TTC28: variants seen among roughly 807,000 people sequenced by gnomAD.
The protein encoded by TTC28 is tetratricopeptide repeat protein 28.
TTC28 carries 61 observed loss-of-function variants against 198.0 expected under a neutral mutation model. That is an observed-to-expected ratio of 0.31 (90% CI 0.25 to 0.38). The LOEUF (loss-of-function observed/expected upper bound fraction) is 0.38. Ranked by LOEUF, TTC28 falls within the 10% of genes least tolerant of loss-of-function variation. The pLI, the probability that TTC28 is intolerant of heterozygous loss-of-function variation, is 1.00. For synonymous variants in TTC28, 1,171 were observed against 1,297.8 expected, an observed-to-expected ratio of 0.90 and a Z score of 2.10; for missense variants, 2,678 against 3,164.0, an observed-to-expected ratio of 0.85 and a Z score of 3.69.
At chr22:28,138,071 AAGG>A (rs1274574396) in intron 6 of TTC28, among the ~76,000 whole-genome samples, 1 of 152,038 alleles carries the variant, frequency 6.6e-6, no homozygotes, top group African/African-American at 2.4e-5. Flanking sequence ...CATTCAAGGG[AAGG>A]AGAATTAGGC....
chr22:28,219,306 C>T (rs1414045862), intron 5 of TTC28, among the ~76,000 whole-genome samples: 12 of 152,068 alleles, frequency 7.9e-5, no homozygotes, highest in African/African-American at 2.4e-4. Context: ...GTCAGGAGTT[C>T]GAGACCAGCC....
chr22:28,117,616 GAGTT>G (rs1436005997), intron 6 of TTC28, among the ~76,000 whole-genome samples: 1 of 152,080 alleles, frequency 6.6e-6, no homozygotes, highest in Non-Finnish European at 1.5e-5. Flanking sequence ...TGGTGCCCTC[GAGTT>G]AGTTAATTTG....
Position 28,163,215 on chromosome 22 carries a change from G to T in TTC28, c.1318C>A (p.Leu440Ile), listed in dbSNP as rs970638887. The change falls in exon 6 of 23, where the codon CTA becomes ATA. Residue 440 changes from leucine to isoleucine, a missense_variant. By Grantham distance (5) the Leu-to-Ile change is conservative. Around this residue, in one of 8 missense-constraint regions of TTC28, gnomAD observed 775 missense variants for 845.9 expected, o/e 0.92. Transcript: ENST00000397906. ...TGCATGCACCTGGCAGCATGGCCTAGTCCAGCATAGGCCCGCATCTCAATA... is the reference window on the plus strand; with the variant it reads ...TGCATGCACCTGGCAGCATGGCCTATTCCAGCATAGGCCCGCATCTCAATA... ...KAIEMRAYAG[L>I]GHAARCMQDL... 1.9e-6 allele frequency: 3 copies of T among 1,551,602 alleles called. No individual in the cohort carries two copies. In the African/African-American group the frequency reaches 4.1e-5, roughly 21 times the overall value.
At chr22:28,467,917 G>A (rs1041032262) in intron 2 of TTC28, among the ~76,000 whole-genome samples, 14 of 151,900 alleles carry the variant, frequency 9.2e-5, no homozygotes, top group Admixed American at 5.9e-4. Context: ...GCATGCCACT[G>A]CGCCCGGCTA....
chr22:28,633,542 C>T (rs369126750), intron 1 of TTC28, among the ~76,000 whole-genome samples: 2 of 152,002 alleles, frequency 1.3e-5, no homozygotes, highest in Non-Finnish European at 2.9e-5. Flanking sequence ...GAGGGAGGAC[C>T]GCTTGAGCCT....
chr22:28,008,261 C>G (rs1264034072), intron 14 of TTC28: 1 of 151,918 alleles, frequency 6.6e-6, no homozygotes, highest in East Asian at 1.9e-4. Flanking sequence ...CATGACCCAA[C>G]CAAGGCCAAG....
intron 2 of TTC28, among the ~76,000 whole-genome samples, chr22:28,621,758 A>AG (rs1342526401): frequency 0.015 from 2,187 of 149,570 alleles, 80 homozygotes; most frequent in African/African-American, 0.051. Context: ...AAAAAAAAAA[A>AG]AAAAGAAAGA....
chr22:28,571,009 G>A (rs965053208), intron 2 of TTC28, among the ~76,000 whole-genome samples: 1 of 151,904 alleles, frequency 6.6e-6, no homozygotes, highest in Non-Finnish European at 1.5e-5. Flanking sequence ...TTTCCTGACT[G>A]TAAGATTTTA....
chr22:28,288,570 G>A (rs1475464817), intron 5 of TTC28, among the ~76,000 whole-genome samples: 1 of 152,030 alleles, frequency 6.6e-6, no homozygotes, highest in African/African-American at 2.4e-5. Flanking sequence ...CACTTTGAGA[G>A]ACTGAGGCAG....
At chr22:28,325,323 T>G (rs1245170444) in intron 2 of TTC28, among the ~76,000 whole-genome samples, 1 of 152,088 alleles carries the variant, frequency 6.6e-6, no homozygotes, top group South Asian at 2.1e-4. Context: ...GTGGTGATAA[T>G]CCCTTTATCA....
rs181491147 is a variant in TTC28 at position 27,980,763 on chromosome 22, G to A, written c.*1458C>T. The A allele has an allele frequency of 2.0e-5, 3 of 152,322 alleles. No individual in the cohort carries two copies. Among genetic ancestry groups the A allele is most frequent in the East Asian group, 3.9e-4 (2 of 5,190 alleles). 9.4% of individuals were successfully genotyped at this position (152,322 alleles called of 1,614,324 possible). Reference sequence around the variant, plus strand: ...CTCCAACTAAACTCAGTACTAATACGACTTTCAGCATTTCCTTTCTTTATA... The same window carrying A: ...CTCCAACTAAACTCAGTACTAATACAACTTTCAGCATTTCCTTTCTTTATA... On this transcript the variant is annotated 3_prime_UTR_variant, in exon 23 of 23. Coordinates refer to ENST00000397906, the MANE Select transcript of TTC28 (RefSeq NM_001145418.2).
intron 21 of TTC28, chr22:27,985,913 C>CTTTGGAT (rs1937195900): frequency 6.5e-6 from 1 of 154,738 alleles, no homozygotes; most frequent in South Asian, 2.0e-4. Flanking sequence ...AGGGGTGCTG[C>CTTTGGAT]TCCCTAATTC....
chr22:28,487,879 G>C (rs1318968962), intron 2 of TTC28, among the ~76,000 whole-genome samples: 1 of 152,142 alleles, frequency 6.6e-6, no homozygotes, highest in Non-Finnish European at 1.5e-5. Flanking sequence ...TATTGCTATG[G>C]AGATTAAGTG....
At position 28,108,023 on chromosome 22, in the gene TTC28, C is replaced by T; in HGVS notation, c.1822G>A (p.Gly608Arg). 1.3e-6 allele frequency: 2 copies of T among 1,551,630 alleles called. No homozygotes were observed. The highest frequency in any genetic ancestry group is 1.2e-5 in the South Asian group (1 of 84,048). The change falls in exon 7 of 23, where the codon GGA becomes AGA. Residue 608 changes from glycine (G) to arginine (R), a missense_variant. Around this residue, in one of 8 missense-constraint regions of TTC28, gnomAD observed 775 missense variants for 845.9 expected, o/e 0.92. Coordinates refer to ENST00000397906, the MANE Select transcript of TTC28 (RefSeq NM_001145418.2). ...TAGGGGGCAGCCTGGACATACTCTC[C>T]CCGAGAGCAGTGGAAATTGCCCAGG... ...SNLGNFHCSRGEYVQAAPYYE... is the reference protein window; with the variant it reads ...SNLGNFHCSRREYVQAAPYYE...
chr22:28,525,783 G>A (rs141735865), intron 2 of TTC28, among the ~76,000 whole-genome samples: 84 of 152,212 alleles, frequency 5.5e-4, no homozygotes, highest in Admixed American at 2.0e-3. Flanking sequence ...AACAAAATTC[G>A]TATTTAAGAA....
chr22:28,339,445 G>C (rs1259807852), intron 2 of TTC28, among the ~76,000 whole-genome samples: 1 of 152,194 alleles, frequency 6.6e-6, no homozygotes, highest in African/African-American at 2.4e-5. Flanking sequence ...TAAGTCTGCA[G>C]AGGATTCTGC....
chr22:27,985,203 G>A (rs1937168903), intron 22 of TTC28, 46 bp downstream of exon 22: 2 of 1,409,498 alleles, frequency 1.4e-6, no homozygotes, highest in African/African-American at 1.4e-5. Context: ...CCCAGGGAGA[G>A]CATGGCAGGC....
In TTC28 at chr22:28,107,754, C is replaced by T. The variant is rs1187481073; in HGVS notation, c.2091G>A (p.Gln697=). ...ACTGGGCTAGGGACAGTAGGTACTT[C>T]TGACACTCTTCAGCTTTACTGAAAT... ...LLNFSKAEEC[Q]KYLLSLAQSL... is the part of the protein sequence containing the mutation. The change falls in exon 7 of 23, where the codon CAG becomes CAA. Residue 697 remains glutamine (Q), a synonymous_variant. Coordinates refer to ENST00000397906, the MANE Select transcript of TTC28 (RefSeq NM_001145418.2). The T allele has an allele frequency of 9.0e-6, 14 of 1,552,010 alleles. No homozygotes were observed. Among genetic ancestry groups the T allele is most frequent in the African/African-American group, 1.4e-5 (1 of 73,178 alleles).
chr22:28,079,258 A>T (rs975379944), intron 12 of TTC28, among the ~76,000 whole-genome samples: 3 of 152,212 alleles, frequency 2.0e-5, no homozygotes, highest in African/African-American at 7.2e-5. Context: ...AGGAAGTGGT[A>T]GCAGTGGTTT....
Sources: gnomAD v4.1 joint callset for allele counts (sites outside exome capture counted in the v4.1 genomes callset) on GRCh38, gnomAD v4.1.1 for gene constraint, gnomAD v4.1.1 regional missense constraint, MANE v1.5 for transcripts, NCBI Gene and HGNC (gene_info 2026-07-23, HGNC 2026-07-21) for gene names.